The following SGPL1 variants were observed in gnomAD, a reference collection of about 807,000 sequenced individuals.
SGPL1 encodes SP-lyase 1.
SGPL1 carries 37 observed loss-of-function variants against 68.9 expected under a neutral mutation model. The observed-to-expected ratio is 0.54, with a 90% CI of 0.41 to 0.71. The LOEUF is 0.71. Among genes scored for constraint, SGPL1 ranks in the 30% least tolerant of loss-of-function variants. The pLI is 0.00. For synonymous variants in SGPL1, 236 were observed against 248.5 expected, an observed-to-expected ratio of 0.95 and a Z score of 0.47; for missense variants, 551 against 704.6, an observed-to-expected ratio of 0.78 and a Z score of 2.47.
intron 5 of SGPL1, among the ~76,000 whole-genome samples, chr10:70,855,570 G>A (rs1184182582): frequency 6.6e-6 from 1 of 152,158 alleles, no homozygotes; most frequent in African/African-American, 2.4e-5. Context: ...AGATGATTAT[G>A]GGGATTAAAT....
chr10:70,842,954 C>T (rs1209639230), intron 2 of SGPL1, among the ~76,000 whole-genome samples: 1 of 151,462 alleles, frequency 6.6e-6, no homozygotes, highest in Non-Finnish European at 1.5e-5. Flanking sequence ...CTGGATGAGA[C>T]AGAAATGGTC....
chr10:70,817,851 C>A (rs918096702), intron 2 of SGPL1, among the ~76,000 whole-genome samples: 1 of 152,192 alleles, frequency 6.6e-6, no homozygotes. Flanking sequence ...TGGATTGAAC[C>A]AGTATGAATT....
chr10:70,824,111 T>C (rs978081689), intron 2 of SGPL1, among the ~76,000 whole-genome samples: 4 of 152,194 alleles, frequency 2.6e-5, no homozygotes, highest in African/African-American at 9.7e-5. Context: ...AAGACCATAA[T>C]CATCGAACAT....
At chr10:70,851,014 T>A (rs1253029687) in intron 3 of SGPL1, 129 bp from the exon 4 acceptor site, 3 of 704,684 alleles carry the variant, frequency 4.3e-6, no homozygotes, top group South Asian at 3.8e-5. Context: ...TTTTTTAAAA[T>A]TTTTTAAACG....
chr10:70,857,742 G>A, intron 6 of SGPL1, 52 bp downstream of exon 6: 1 of 1,204,226 alleles, frequency 8.3e-7, no homozygotes, highest in Non-Finnish European at 1.2e-6. Flanking sequence ...CAGTTTACAT[G>A]ACCTCCTTTT....
intron 2 of SGPL1, among the ~76,000 whole-genome samples, chr10:70,821,593 C>T (rs1353006236): frequency 6.6e-6 from 1 of 152,128 alleles, no homozygotes; most frequent in Non-Finnish European, 1.5e-5. Flanking sequence ...GTTGTTACAC[C>T]TGAAGGGTTC....
intron 11 of SGPL1, 88 bp from the exon 12 acceptor site, chr10:70,873,263 G>A (rs959674904): frequency 2.1e-6 from 2 of 941,160 alleles, no homozygotes; most frequent in East Asian, 2.4e-5. Flanking sequence ...AAATAAATAG[G>A]ATTTCCTTTG....
In SGPL1 at chr10:70,859,411, A is replaced by T; in HGVS notation, c.527A>T (p.Asp176Val). Residue 176 changes from aspartate (D) to valine (V), a missense_variant, in exon 7 of 15, where the codon GAT (aspartate) becomes GTT (valine). By Grantham distance (152) the Asp-to-Val change is radical. Coordinates refer to ENST00000373202, the MANE Select transcript of SGPL1 (RefSeq NM_003901.4). The stretch of plus-strand genomic sequence containing the variant: ...GCATGGAGTAACCCCCTGCATCCAG[A>T]TATCTTCCCAGGACTACGCAAGATA... ...DFAWSNPLHP[D>V]IFPGLRKIEA... The T allele has an allele frequency of 6.4e-7, 1 of 1,554,028 alleles. No homozygotes were observed. Among genetic ancestry groups the T allele is most frequent in the Non-Finnish European group, 8.7e-7 (1 of 1,151,830 alleles).
At position 70,879,288 on chromosome 10, in the gene SGPL1, G is replaced by C. The variant is rs770311117; in HGVS notation, c.*1953G>C. 8.5e-5 allele frequency: 13 copies of C among 152,664 alleles called. No homozygotes were observed. Among genetic ancestry groups the C allele is most frequent in the Non-Finnish European group, 1.9e-4 (13 of 68,094 alleles). The allele number at this position is 152,664 out of a possible 1,614,324, so 9.5% of individuals were successfully genotyped here. ...ACCAGACTTTTCCTCAGGCTCCTTG[G>C]CATGTTAGTCTGAATTGTTCTTGAG... On this transcript the variant is annotated 3_prime_UTR_variant, in exon 15 of 15. Coordinates refer to ENST00000373202, the MANE Select transcript of SGPL1 (RefSeq NM_003901.4).
Position 70,877,423 on chromosome 10 carries a change from G to T in SGPL1, c.*88G>T, listed in dbSNP as rs1192193151. 82 of 1,349,798 alleles carry T rather than the reference G, an allele frequency of 6.1e-5. No individual in the cohort carries two copies. The highest frequency in any genetic ancestry group is 1.0e-4 in the Admixed American group (6 of 57,990). 83.6% of individuals were successfully genotyped at this position (1,349,798 alleles called of 1,614,324 possible). The stretch of plus-strand genomic sequence containing the variant: ...AGGCCGTGCACAACTTTGACATCTG[G>T]TCTTGCTCCATAGAGCACAACTCAA... On this transcript the variant is annotated 3_prime_UTR_variant, in exon 15 of 15. Transcript: ENST00000373202.
At chr10:70,824,524 T>G (rs1302055457) in intron 2 of SGPL1, among the ~76,000 whole-genome samples, 2 of 152,212 alleles carry the variant, frequency 1.3e-5, no homozygotes, top group Non-Finnish European at 2.9e-5. Flanking sequence ...TACAACCATT[T>G]TCAAAATTTA....
At chr10:70,854,361 G>A (rs984179887) in intron 4 of SGPL1, among the ~76,000 whole-genome samples, 94 of 152,006 alleles carry the variant, frequency 6.2e-4, no homozygotes, top group African/African-American at 2.2e-3. Context: ...TTTTAGTAGA[G>A]ATGGGGTTTC....
At chr10:70,856,784 T>C (rs964881214) in intron 5 of SGPL1, among the ~76,000 whole-genome samples, 1 of 152,226 alleles carries the variant, frequency 6.6e-6, no homozygotes, top group African/African-American at 2.4e-5. Context: ...GTAATAGCTT[T>C]CTCACTACCC....
At chr10:70,861,864 T>G (rs1366111395) in intron 7 of SGPL1, among the ~76,000 whole-genome samples, 2 of 152,220 alleles carry the variant, frequency 1.3e-5, no homozygotes, top group African/African-American at 2.4e-5. Flanking sequence ...TCGCTGGGCC[T>G]TAGCTGCCTT....
At chr10:70,821,689 A>G (rs1845340215) in intron 2 of SGPL1, among the ~76,000 whole-genome samples, 1 of 152,236 alleles carries the variant, frequency 6.6e-6, no homozygotes. Flanking sequence ...TATCTGGCCT[A>G]GAATGTCAAT....
rs1196613157 is a variant in SGPL1, at chr10:70,873,404, C to G, written c.1113C>G (p.Tyr371Ter). 1 of 1,614,122 alleles carries G rather than the reference C, an allele frequency of 6.2e-7. No homozygotes were observed. Among genetic ancestry groups the G allele is most frequent in the African/African-American group, 1.3e-5 (1 of 74,946 alleles). Residue 371 changes from tyrosine to a stop codon, truncating the protein, a stop_gained, in exon 12 of 15, where the codon TAC becomes TAG. Transcript: ENST00000373202. LOFTEE classifies it high-confidence loss of function. Reference protein sequence around the residue: ...SSLVLYSDKKYRNYQFFVDTD... With the variant: ...SSLVLYSDKK ...TGGTGTTGTATAGTGACAAGAAGTACAGGAACTATCAGTTCTTCGTCGATA... is the reference window on the plus strand; with the variant it reads ...TGGTGTTGTATAGTGACAAGAAGTAGAGGAACTATCAGTTCTTCGTCGATA...
At chr10:70,849,251 C>G (rs1845838583) in intron 3 of SGPL1, among the ~76,000 whole-genome samples, 1 of 152,132 alleles carries the variant, frequency 6.6e-6, no homozygotes, top group Admixed American at 6.5e-5. Flanking sequence ...ACAGCTTTAA[C>G]AGTTAGAAAT....
rs1286045963 is a variant in SGPL1, at chr10:70,871,091, G to T, written c.854G>T (p.Cys285Phe). ...AISRNTAMLV[C>F]STPQFPHGVI... is the part of the protein sequence containing the mutation. ...TCCAGGAACACTGCCATGCTCGTCT[G>T]TTCTACCCCACAGTTTCCTCATGGT... Residue 285 changes from cysteine to phenylalanine, a missense_variant, in exon 10 of 15, where the codon TGT becomes TTT. By Grantham distance (205) the Cys-to-Phe change is radical. Coordinates refer to ENST00000373202, the MANE Select transcript of SGPL1 (RefSeq NM_003901.4). 1 of 1,613,986 alleles carries T rather than the reference G, an allele frequency of 6.2e-7. No homozygotes were observed. The highest frequency in any genetic ancestry group is 1.1e-5 in the South Asian group (1 of 91,074).
intron 2 of SGPL1, among the ~76,000 whole-genome samples, chr10:70,825,978 C>T (rs1440551396): frequency 1.3e-5 from 2 of 152,128 alleles, no homozygotes; most frequent in Non-Finnish European, 2.9e-5. Flanking sequence ...AGCCAGAAGT[C>T]AAGATCAGCC....
Sources: gnomAD v4.1 joint callset for allele counts (sites outside exome capture counted in the v4.1 genomes callset) on GRCh38, gnomAD v4.1.1 for gene constraint, MANE v1.5 for transcripts, NCBI Gene and HGNC (gene_info 2026-07-23, HGNC 2026-07-21) for gene names.